The following NRG3 variants were observed in gnomAD, a reference collection of about 807,000 sequenced individuals.
NRG3 encodes the protein pro-neuregulin-3, membrane-bound isoform.
A neutral mutation model predicts 66.9 loss-of-function variants in NRG3; 31 were observed. The observed-to-expected ratio is 0.46, with a 90% CI of 0.35 to 0.63. The LOEUF is 0.63. Ranked by LOEUF, NRG3 falls within the 20% of genes least tolerant of loss-of-function variation. NRG3 has a pLI of 0.00. For synonymous variants in NRG3, 393 were observed against 359.4 expected, an observed-to-expected ratio of 1.09 and a Z score of -1.06; for missense variants, 910 against 878.9, an observed-to-expected ratio of 1.04 and a Z score of -0.45.
intron 2 of NRG3, among the ~76,000 whole-genome samples, chr10:82,683,632 C>T (rs2054283596): frequency 6.6e-6 from 1 of 152,098 alleles, no homozygotes; most frequent in African/African-American, 2.4e-5. Context: ...AATTGAAAAA[C>T]TATAAGTAGC....
At chr10:82,057,438 G>T (rs1480652905) in intron 1 of NRG3, among the ~76,000 whole-genome samples, 1 of 151,994 alleles carries the variant, frequency 6.6e-6, no homozygotes, top group South Asian at 2.1e-4. Context: ...CTGCCTACAC[G>T]TATACATGGC....
chr10:82,149,870 G>A (rs373399953), intron 1 of NRG3, among the ~76,000 whole-genome samples: 40 of 152,086 alleles, frequency 2.6e-4, no homozygotes, highest in African/African-American at 8.7e-4. Flanking sequence ...ATTTTACCTT[G>A]TATTCAGTTT....
chr10:82,718,408 A>G (rs2057103325), intron 2 of NRG3, among the ~76,000 whole-genome samples: 1 of 152,208 alleles, frequency 6.6e-6, no homozygotes, highest in Non-Finnish European at 1.5e-5. Context: ...TTCAATGTCT[A>G]CTTCTTGTTT....
At chr10:82,669,098 T>C (rs533199625) in intron 2 of NRG3, among the ~76,000 whole-genome samples, 44 of 152,246 alleles carry the variant, frequency 2.9e-4, no homozygotes, top group Middle Eastern at 6.8e-3. Flanking sequence ...TTGGTGCAAG[T>C]AGAATCAGAG....
intron 1 of NRG3, among the ~76,000 whole-genome samples, chr10:82,336,162 C>G (rs1365398615): frequency 6.6e-6 from 1 of 151,840 alleles, no homozygotes; most frequent in Non-Finnish European, 1.5e-5. Flanking sequence ...GAAGGGTTCG[C>G]CAGGGAGGAT....
chr10:82,024,401 G>T (rs10786821), intron 1 of NRG3, among the ~76,000 whole-genome samples: 64,213 of 151,646 alleles, frequency 0.42, 13,793 homozygotes, highest in African/African-American at 0.52. Context: ...CCTTTATACA[G>T]TGGGTTAAAG....
chr10:82,023,358 T>C (rs2062148384), intron 1 of NRG3, among the ~76,000 whole-genome samples: 1 of 152,058 alleles, frequency 6.6e-6, no homozygotes, highest in Admixed American at 6.6e-5. Flanking sequence ...TTCTTTCCCT[T>C]GCCCAATTGT....
intron 1 of NRG3, among the ~76,000 whole-genome samples, chr10:82,097,424 AATATATATATATATATAT>A (rs2066420244): frequency 1.4e-5 from 2 of 140,016 alleles, no homozygotes; most frequent in African/African-American, 5.6e-5. Context: ...ATATATCTGT[AATATATATATATATATAT>A]CTGTAATATA....
Position 82,226,803 on chromosome 10 carries a change from C to T in NRG3, c.824-131936C>T, listed in dbSNP as rs1284518231. Reference sequence around the variant, plus strand: ...ACAGTTAGTTGTCCAGATTCAAATTCCCCATCTATTGGACTCATAGTCTCT... The same window carrying T: ...ACAGTTAGTTGTCCAGATTCAAATTTCCCATCTATTGGACTCATAGTCTCT... On this transcript the variant is annotated intron_variant, in intron 1 of 8. Transcript: ENST00000372141. 2.0e-5 allele frequency among the ~76,000 whole-genome samples: 3 copies of T among 152,156 alleles called. No individual in the cohort carries two copies. The East Asian group carries it at 5.8e-4, about 29-fold the overall frequency.
intron 1 of NRG3, among the ~76,000 whole-genome samples, chr10:82,026,090 A>G (rs2062291779): frequency 1.3e-5 from 2 of 152,026 alleles, no homozygotes; most frequent in South Asian, 4.1e-4. Context: ...TTTGGTCCTT[A>G]TATTGGAGTC....
chr10:82,475,342 T>C (rs1841674505), intron 2 of NRG3, among the ~76,000 whole-genome samples: 1 of 152,026 alleles, frequency 6.6e-6, no homozygotes, highest in African/African-American at 2.4e-5. Context: ...ACCAACAAAT[T>C]GGATAATCTA....
chr10:82,929,499 C>G lies in NRG3; in HGVS notation c.1055-21970C>G, dbSNP rs138256242. On this transcript the variant is annotated intron_variant, in intron 4 of 8. Transcript: ENST00000372141. ...GGTTAAATTTTATTCCAACTATGAGCTACTAAGTCTTCCAGCAATTGTTCT... is the reference window on the plus strand; with the variant it reads ...GGTTAAATTTTATTCCAACTATGAGGTACTAAGTCTTCCAGCAATTGTTCT... Among the ~76,000 whole-genome samples, 740 of 152,292 alleles carry G rather than the reference C, an allele frequency of 4.9e-3. 6 individuals carry two copies. Among genetic ancestry groups the G allele is most frequent in the African/African-American group, 0.017 (701 of 41,544 alleles).
At chr10:82,775,052 C>T (rs2135214915) in intron 3 of NRG3, among the ~76,000 whole-genome samples, 1 of 151,824 alleles carries the variant, frequency 6.6e-6, no homozygotes, top group East Asian at 1.9e-4. Flanking sequence ...GTCTTGAACT[C>T]CTGACCTCAA....
intron 1 of NRG3, among the ~76,000 whole-genome samples, chr10:82,311,081 G>A (rs923660631): frequency 1.6e-5 from 2 of 128,676 alleles, no homozygotes; most frequent in Non-Finnish European, 3.1e-5. Flanking sequence ...CTCCTCCCCT[G>A]GTTACTGATG....
In NRG3 at chr10:82,353,589, G is replaced by A. The variant is rs77127850; in HGVS notation, c.824-5150G>A. 5.3e-5 allele frequency among the ~76,000 whole-genome samples: 8 copies of A among 152,168 alleles called. No individual in the cohort carries two copies. In the South Asian group the frequency reaches 1.0e-3, roughly 20 times the overall value. The stretch of plus-strand genomic sequence containing the variant: ...CCTCCCTGGGGATAGAGACCGAAAC[G>A]TATAAAAAAAATAAGAAAACACATT... On this transcript the variant is annotated intron_variant, in intron 1 of 8. Coordinates refer to ENST00000372141, the MANE Select transcript of NRG3 (RefSeq NM_001010848.4).
Position 82,937,391 on chromosome 10 carries a change from C to T in NRG3, c.1055-14078C>T, listed in dbSNP as rs181677628. On this transcript the variant is annotated intron_variant, in intron 4 of 8. Transcript: ENST00000372141. ...TCATAGACAGGTTAAATAAAATTGC[C>T]GAAAGTCAGGTAAATAGAGCGAGAC... Among the ~76,000 whole-genome samples, 261 of 152,172 alleles carry T rather than the reference C, an allele frequency of 1.7e-3. 5 individuals are homozygous for T. The highest frequency in any genetic ancestry group is 0.013 in the Admixed American group (192 of 15,288).
intron 2 of NRG3, among the ~76,000 whole-genome samples, chr10:82,530,899 A>C (rs1008917238): frequency 2.0e-5 from 3 of 151,866 alleles, no homozygotes; most frequent in South Asian, 4.1e-4. Flanking sequence ...CAGTATCCTA[A>C]TTTAGTGAAA....
intron 2 of NRG3, among the ~76,000 whole-genome samples, chr10:82,512,071 T>A (rs1845227875): frequency 6.6e-6 from 1 of 152,104 alleles, no homozygotes. Context: ...TGGTATATTT[T>A]CTGATAAATA....
At chr10:82,143,654 C>A (rs573204070) in intron 1 of NRG3, among the ~76,000 whole-genome samples, 2 of 152,248 alleles carry the variant, frequency 1.3e-5, no homozygotes, top group African/African-American at 2.4e-5. Flanking sequence ...AGTCCTGGGG[C>A]CTTCATTTAC....
Sources: gnomAD v4.1 joint callset for allele counts (sites outside exome capture counted in the v4.1 genomes callset) on GRCh38, gnomAD v4.1.1 for gene constraint, MANE v1.5 for transcripts, NCBI Gene and HGNC (gene_info 2026-07-23, HGNC 2026-07-21) for gene names.